The following MAN2A1 variants were observed in gnomAD, a reference collection of about 807,000 sequenced individuals.
MAN2A1 encodes the protein alpha-mannosidase 2.
MAN2A1 carries 76 observed loss-of-function variants against 142.6 expected under a neutral mutation model. That is an observed-to-expected ratio of 0.53 (90% CI 0.44 to 0.65). MAN2A1 has a LOEUF of 0.65. Ranked by LOEUF, MAN2A1 falls within the 30% of genes least tolerant of loss-of-function variation. The pLI is 0.00. For synonymous variants in MAN2A1, 559 were observed against 473.2 expected, an observed-to-expected ratio of 1.18 and a Z score of -2.35; for missense variants, 1,311 against 1,365.1, an observed-to-expected ratio of 0.96 and a Z score of 0.62.
chr5:109,822,433 G>C (rs1754650603), intron 15 of MAN2A1, among the ~76,000 whole-genome samples: 1 of 152,056 alleles, frequency 6.6e-6, no homozygotes, highest in Non-Finnish European at 1.5e-5. Context: ...CAGATAGAAA[G>C]ATAAAACAAT....
At chr5:109,832,052 C>G (rs1208219103) in intron 16 of MAN2A1, among the ~76,000 whole-genome samples, 1 of 150,298 alleles carries the variant, frequency 6.7e-6, no homozygotes, top group Admixed American at 6.6e-5. Flanking sequence ...ATGAATGTCA[C>G]TCATTGCTAG....
At chr5:109,771,983 A>T (rs572126572) in intron 7 of MAN2A1, among the ~76,000 whole-genome samples, 1 of 152,260 alleles carries the variant, frequency 6.6e-6, no homozygotes, top group Admixed American at 6.5e-5. Flanking sequence ...CCTTTCAACA[A>T]TTGCCCCTCA....
At chr5:109,739,183 C>G (rs550409239) in intron 4 of MAN2A1, among the ~76,000 whole-genome samples, 1 of 152,096 alleles carries the variant, frequency 6.6e-6, no homozygotes, top group East Asian at 1.9e-4. Context: ...TTTTTCTCTT[C>G]TCTCTTAAAG....
intron 12 of MAN2A1, among the ~76,000 whole-genome samples, chr5:109,803,852 A>G (rs996070377): frequency 6.6e-6 from 1 of 152,086 alleles, no homozygotes; most frequent in African/African-American, 2.4e-5. Context: ...TACTGTGAAA[A>G]TGTTAAAGTA....
intron 4 of MAN2A1, among the ~76,000 whole-genome samples, chr5:109,736,767 C>T (rs1338169395): frequency 6.6e-6 from 1 of 151,984 alleles, no homozygotes; most frequent in East Asian, 1.9e-4. Context: ...TTATATTTTA[C>T]CAGTTTTTAC....
At chr5:109,750,879 A>G (rs561077004) in intron 4 of MAN2A1, among the ~76,000 whole-genome samples, 3 of 152,062 alleles carry the variant, frequency 2.0e-5, no homozygotes. Context: ...GTACATATTT[A>G]TGGGGTATAG....
intron 19 of MAN2A1, among the ~76,000 whole-genome samples, chr5:109,849,014 C>T (rs1358086672): frequency 6.6e-6 from 1 of 152,214 alleles, no homozygotes; most frequent in Non-Finnish European, 1.5e-5. Context: ...TCTTACTTCA[C>T]CTTTCAGCAG....
intron 5 of MAN2A1, among the ~76,000 whole-genome samples, chr5:109,763,235 C>T (rs1752900285): frequency 6.6e-6 from 1 of 152,120 alleles, no homozygotes; most frequent in Non-Finnish European, 1.5e-5. Flanking sequence ...AGCTGCTCAG[C>T]CTAATACAGT....
rs1320450063 is a variant in MAN2A1, at chr5:109,713,379, C to T, written c.136-141C>T. 7 of 566,928 alleles carry T rather than the reference C, an allele frequency of 1.2e-5. 1 individual carries two copies. The highest frequency in any genetic ancestry group is 1.1e-4 in the South Asian group (3 of 27,468). The allele number at this position is 566,928 out of a possible 1,614,324, so 35.1% of individuals were successfully genotyped here. On this transcript the variant is annotated intron_variant, in intron 1 of 21. Transcript: ENST00000261483. ...CCCTGCCAGCTGTTCATGCTTTCTG[C>T]GATCCCACTTATAAAAGTGGAAAGT...
At chr5:109,821,876 A>G (rs1244219321) in intron 15 of MAN2A1, among the ~76,000 whole-genome samples, 1 of 151,852 alleles carries the variant, frequency 6.6e-6, no homozygotes, top group Non-Finnish European at 1.5e-5. Flanking sequence ...TTTCTCATTT[A>G]TAGTGGTTTT....
intron 8 of MAN2A1, among the ~76,000 whole-genome samples, chr5:109,777,494 G>T (rs374958568): frequency 6.6e-6 from 1 of 151,962 alleles, no homozygotes; most frequent in Non-Finnish European, 1.5e-5. Context: ...TTATGCAAAT[G>T]TTGTCTCCTA....
chr5:109,767,758 C>T, intron 6 of MAN2A1, 50 bp downstream of exon 6: 4 of 1,509,760 alleles, frequency 2.6e-6, no homozygotes, highest in Non-Finnish European at 3.6e-6. Flanking sequence ...GATACTATTT[C>T]ACAAGGGTTA....
intron 12 of MAN2A1, among the ~76,000 whole-genome samples, chr5:109,795,475 CAT>C (rs1277158958): frequency 6.6e-6 from 1 of 152,134 alleles, no homozygotes; most frequent in African/African-American, 2.4e-5. Flanking sequence ...CATTAAAGCT[CAT>C]ATGAAAATGT....
chr5:109,736,904 T>C (rs2112598131), intron 4 of MAN2A1, among the ~76,000 whole-genome samples: 1 of 152,278 alleles, frequency 6.6e-6, no homozygotes, highest in South Asian at 2.1e-4. Context: ...CTAGCTTTTA[T>C]GTTTTTATAT....
chr5:109,858,486 C>G (rs1755679652), intron 20 of MAN2A1, among the ~76,000 whole-genome samples: 1 of 152,144 alleles, frequency 6.6e-6, no homozygotes. Flanking sequence ...AGAAGCCAGA[C>G]CTAAGCATTT....
Position 109,853,343 on chromosome 5 carries a change from T to C in MAN2A1, c.2977-1797T>C, listed in dbSNP as rs57803438. 4.7e-3 allele frequency among the ~76,000 whole-genome samples: 715 copies of C among 152,256 alleles called. 5 individuals are homozygous for C. The highest frequency in any genetic ancestry group is 0.016 in the African/African-American group (672 of 41,548). Reference sequence around the variant, plus strand: ...CAGGACCCCACCTCTCAAGATTGTGTAGATTTGGGATAGGACCCAAGAATC... The same window carrying C: ...CAGGACCCCACCTCTCAAGATTGTGCAGATTTGGGATAGGACCCAAGAATC... On this transcript the variant is annotated intron_variant, in intron 19 of 21. Coordinates refer to ENST00000261483, the MANE Select transcript of MAN2A1 (RefSeq NM_002372.4).
chr5:109,784,899 A>G lies in MAN2A1; in HGVS notation c.1733A>G (p.Asp578Gly), dbSNP rs778893185. The change falls in exon 10 of 22, where the codon GAC becomes GGC. Residue 578 changes from aspartate to glycine, a missense_variant. Asp to Gly is a moderately conservative substitution (Grantham distance 94). Coordinates refer to ENST00000261483, the MANE Select transcript of MAN2A1 (RefSeq NM_002372.4). ...HHDAITGTAK[D>G]WVVVDYGTRL... ...GATGCTATCACAGGAACTGCAAAAG[A>G]CTGGGTGGTTGTGGATTATGGTACC... 5 of 1,601,308 alleles carry G rather than the reference A, an allele frequency of 3.1e-6. No individual in the cohort carries two copies. The East Asian group carries it at 6.7e-5, about 21-fold the overall frequency.
chr5:109,829,981 T>G (rs146256673), intron 16 of MAN2A1, among the ~76,000 whole-genome samples: 164 of 152,344 alleles, frequency 1.1e-3, no homozygotes, highest in African/African-American at 3.7e-3. Flanking sequence ...ATCAGTGATT[T>G]CACCATACTT....
chr5:109,836,832 A>G (rs1755069460), intron 16 of MAN2A1, among the ~76,000 whole-genome samples: 1 of 152,204 alleles, frequency 6.6e-6, no homozygotes, highest in African/African-American at 2.4e-5. Context: ...CAGGAGAGGA[A>G]TTCAGATATA....
Sources: gnomAD v4.1 joint callset for allele counts (sites outside exome capture counted in the v4.1 genomes callset) on GRCh38, gnomAD v4.1.1 for gene constraint, MANE v1.5 for transcripts, NCBI Gene and HGNC (gene_info 2026-07-23, HGNC 2026-07-21) for gene names.